The following SLC38A4 variants were observed in gnomAD, a reference collection of about 807,000 sequenced individuals.
The protein encoded by SLC38A4 is sodium-coupled neutral amino acid transporter 4.
In SLC38A4, 20 loss-of-function variants were observed where a neutral mutation model predicts 63.1. The ratio of observed to expected loss-of-function variants is 0.32; its 90% confidence interval spans 0.22 to 0.46. The LOEUF (loss-of-function observed/expected upper bound fraction) is 0.46. SLC38A4 is among the 20% of genes least tolerant of loss of function. SLC38A4 has a pLI of 1.00. For synonymous variants in SLC38A4, 230 were observed against 225.5 expected (o/e 1.02, Z -0.18); for missense variants, 526 against 663.6 (o/e 0.79, Z 2.28).
chr12:46,780,060 T>C, intron 7 of SLC38A4, 30 bp from the exon 8 acceptor site: 1 of 1,535,376 alleles, frequency 6.5e-7, no homozygotes, highest in Non-Finnish European at 9.0e-7. Flanking sequence ...AGCTTAATGG[T>C]GTGGACAGTA....
intron 2 of SLC38A4, among the ~76,000 whole-genome samples, chr12:46,801,810 T>C (rs1464555615): frequency 6.6e-6 from 1 of 152,112 alleles, no homozygotes; most frequent in Non-Finnish European, 1.5e-5. Context: ...GTGAGAGCGC[T>C]TGTTGGTCTA....
At chr12:46,804,351 A>G (rs933777451) in intron 1 of SLC38A4, among the ~76,000 whole-genome samples, 3 of 152,028 alleles carry the variant, frequency 2.0e-5, no homozygotes, top group Non-Finnish European at 4.4e-5. Context: ...GGCTCTCAAC[A>G]TGTCAGAGGT....
At position 46,776,980 on chromosome 12, in the gene SLC38A4, C is replaced by G; in HGVS notation, c.1098G>C (p.Thr366=). The G allele has an allele frequency of 6.2e-7, 1 of 1,611,662 alleles. No individual in the cohort carries two copies. The highest frequency in any genetic ancestry group is 8.5e-7 in the Non-Finnish European group (1 of 1,178,530). The change falls in exon 13 of 17, where the codon ACG becomes ACC. Residue 366 remains threonine, a synonymous_variant. Coordinates refer to ENST00000266579, the MANE Select transcript of SLC38A4 (RefSeq NM_018018.5). ...LKDRSRRKMQ[T]VSNISITGML... is the part of the protein sequence containing the mutation. ...TCCCCGTGATGGAAATATTTGACAC[C>G]GTTTGCATTTTTCTCCGGGACCGAC... is the stretch of plus-strand genomic sequence containing the variant.
chr12:46,764,911 A>G lies in SLC38A4; in HGVS notation c.*1790T>C, dbSNP rs765682798. On this transcript the variant is annotated 3_prime_UTR_variant, in exon 17 of 17. Coordinates refer to ENST00000266579, the MANE Select transcript of SLC38A4 (RefSeq NM_018018.5). ...GGGGTTAAATTAATCAGCACAAGCT[A>G]TCATATGTATGTCTGCCCTGCAGTA... 1 of 152,640 alleles carries G rather than the reference A, an allele frequency of 6.6e-6. No individual in the cohort carries two copies. The highest frequency in any genetic ancestry group is 2.4e-5 in the African/African-American group (1 of 41,478). The allele number at this position is 152,640 out of a possible 1,614,324, so 9.5% of individuals were successfully genotyped here.
rs1234559456 is a variant in SLC38A4, at chr12:46,775,029, T to A, written c.1299+20A>T. ...TATGGGGTCAAGTAGGTTTCTTTCA[T>A]CAAAGTCTTATGTACTTACTGGGAA... On this transcript the variant is annotated intron_variant, in intron 14 of 16. Coordinates refer to ENST00000266579, the MANE Select transcript of SLC38A4 (RefSeq NM_018018.5). 2 of 1,608,938 alleles carry A rather than the reference T, an allele frequency of 1.2e-6. No homozygotes were observed. The highest frequency in any genetic ancestry group is 1.7e-4 in the Middle Eastern group (1 of 6,024).
In SLC38A4 at chr12:46,801,317, G is replaced by T. The variant is rs141691827; in HGVS notation, c.-113+2286C>A. 2.2e-3 allele frequency among the ~76,000 whole-genome samples: 339 copies of T among 152,120 alleles called. 1 individual carries two copies. Among genetic ancestry groups the T allele is most frequent in the African/African-American group, 7.9e-3 (330 of 41,530 alleles). On this transcript the variant is annotated intron_variant, in intron 2 of 16. Coordinates refer to ENST00000266579, the MANE Select transcript of SLC38A4 (RefSeq NM_018018.5). ...TACCTAAGAAGTTCAGGGTGTAAGG[G>T]TGTCAAAACAGTAAATTTCTTAAAT...
At chr12:46,782,276 TG>T (rs1303019696) in intron 7 of SLC38A4, among the ~76,000 whole-genome samples, 1 of 152,022 alleles carries the variant, frequency 6.6e-6, no homozygotes, top group East Asian at 1.9e-4. Flanking sequence ...GTGTATTTAC[TG>T]TAGCATTTTT....
intron 2 of SLC38A4, among the ~76,000 whole-genome samples, chr12:46,798,798 T>G (rs939797806): frequency 6.6e-6 from 1 of 152,102 alleles, no homozygotes; most frequent in Non-Finnish European, 1.5e-5. Flanking sequence ...GAGTACAATT[T>G]TTTTTCTTAT....
chr12:46,788,622 A>ACC lies in SLC38A4; in HGVS notation c.120-5_120-4insGG, dbSNP rs1565669094. 2 of 1,599,516 alleles carry ACC rather than the reference A, an allele frequency of 1.3e-6. No individual in the cohort carries two copies. The highest frequency in any genetic ancestry group is 3.4e-5 in the Admixed American group (2 of 58,862). On this transcript the variant is annotated splice_region_variant and splice_polypyrimidine_tract_variant and intron_variant, in intron 3 of 16. Coordinates refer to ENST00000266579, the MANE Select transcript of SLC38A4 (RefSeq NM_018018.5). ...AGTGTCTTCATTAGCAAATTGACTG[A>ACC]ACACACACACACACAAATAAGAAAG...
In SLC38A4 at chr12:46,778,296, G is replaced by T. The variant is rs755692749; in HGVS notation, c.1066C>A (p.Leu356Ile). 1 of 1,612,398 alleles carries T rather than the reference G, an allele frequency of 6.2e-7. No individual in the cohort carries two copies. Residue 356 changes from leucine to isoleucine, a missense_variant, in exon 12 of 17, where the codon CTT (leucine) becomes ATT (isoleucine). Transcript: ENST00000266579. ...HPEVLPIYSE[L>I]KDRSRRKMQT... is the part of the protein sequence containing the mutation. ...AAATGATGGCTGCCTTACTCTTTAA[G>T]TTCACTGTAGATGGGAAGGACCTCA...
intron 1 of SLC38A4, among the ~76,000 whole-genome samples, chr12:46,811,816 C>T (rs1939344429): frequency 6.6e-6 from 1 of 151,718 alleles, no homozygotes; most frequent in South Asian, 2.1e-4. Context: ...TTGTATTAGG[C>T]TAAGAACAGA....
chr12:46,779,285 G>A (rs1252965507), intron 10 of SLC38A4, among the ~76,000 whole-genome samples: 1 of 151,828 alleles, frequency 6.6e-6, no homozygotes, highest in Non-Finnish European at 1.5e-5. Flanking sequence ...TATGGGTATA[G>A]CCTTCTTGTT....
upstream of SLC38A4, among the ~76,000 whole-genome samples, chr12:46,830,283 T>TTCTCTCTC (rs142069074): frequency 3.4e-5 from 5 of 148,056 alleles, no homozygotes; most frequent in Non-Finnish European, 5.9e-5. Context: ...ATTTAAGAAA[T>TTCTCTCTC]TCTCTCTCTC....
At chr12:46,783,354 T>C (rs1394066183) in intron 7 of SLC38A4, among the ~76,000 whole-genome samples, 2 of 151,874 alleles carry the variant, frequency 1.3e-5, no homozygotes, top group Non-Finnish European at 2.9e-5. Flanking sequence ...CTTGTGTCAG[T>C]CCAATGAGTT....
chr12:46,814,440 A>G (rs1939396980), intron 1 of SLC38A4, among the ~76,000 whole-genome samples: 1 of 151,946 alleles, frequency 6.6e-6, no homozygotes, highest in South Asian at 2.1e-4. Context: ...GTGTTTAAAC[A>G]TGCAAGTGTA....
At position 46,793,067 on chromosome 12, in the gene SLC38A4, T is replaced by A; in HGVS notation, c.5A>T (p.Asp2Val). The change falls in exon 3 of 17, where the codon GAT becomes GTT. Residue 2 changes from aspartate to valine, a missense_variant. Coordinates refer to ENST00000266579, the MANE Select transcript of SLC38A4 (RefSeq NM_018018.5). Reference sequence around the variant, plus strand: ...GTTGACATTTCTCAGTTCCATGGGATCCATTTGAGCTGTCAGCGCTTTCTT... The same window carrying A: ...GTTGACATTTCTCAGTTCCATGGGAACCATTTGAGCTGTCAGCGCTTTCTT... M[D>V]PMELRNVNIE... 6.2e-7 allele frequency: 1 copy of A among 1,612,016 alleles called. No individual in the cohort carries two copies. The highest frequency in any genetic ancestry group is 2.2e-5 in the East Asian group (1 of 44,820).
At position 46,765,306 on chromosome 12, in the gene SLC38A4, C is replaced by A. The variant is rs1395004127; in HGVS notation, c.*1395G>T. On this transcript the variant is annotated 3_prime_UTR_variant, in exon 17 of 17. Coordinates refer to ENST00000266579, the MANE Select transcript of SLC38A4 (RefSeq NM_018018.5). ...AGAAGTGAGCAAGAATGATCGTGTGCATTTCTTCGTAGTGTTAGCACTTAT... is the reference window on the plus strand; with the variant it reads ...AGAAGTGAGCAAGAATGATCGTGTGAATTTCTTCGTAGTGTTAGCACTTAT... The A allele has an allele frequency of 1.2e-5, 2 of 161,912 alleles. No homozygotes were observed. The highest frequency in any genetic ancestry group is 2.8e-5 in the Non-Finnish European group (2 of 72,572). 10.0% of individuals were successfully genotyped at this position (161,912 alleles called of 1,614,324 possible).
At chr12:46,813,392 C>T (rs534258531) in intron 1 of SLC38A4, among the ~76,000 whole-genome samples, 24 of 151,966 alleles carry the variant, frequency 1.6e-4, no homozygotes, top group South Asian at 8.3e-4. Flanking sequence ...GCTGTAAATC[C>T]GAACTCTTTT....
chr12:46,831,358 C>T (rs1281188738), intron 1 of SLC38A4, among the ~76,000 whole-genome samples: 1 of 152,224 alleles, frequency 6.6e-6, no homozygotes, highest in Non-Finnish European at 1.5e-5. Context: ...TCGCTCTTCT[C>T]TCAATTTTTC....
Sources: gnomAD v4.1 joint callset for allele counts (sites outside exome capture counted in the v4.1 genomes callset) on GRCh38, gnomAD v4.1.1 for gene constraint, MANE v1.5 for transcripts, NCBI Gene and HGNC (gene_info 2026-07-23, HGNC 2026-07-21) for gene names.